Variants in ANKFN1 observed in about 807,000 individuals in gnomAD.
ANKFN1 encodes ankyrin repeat and fibronectin type-III domain-containing protein 1.
Under a neutral mutation model 108.7 loss-of-function variants are expected in ANKFN1, and 74 were observed. The observed-to-expected ratio is 0.68, with a 90% CI of 0.56 to 0.83. The LOEUF is 0.83. Ranked by LOEUF, ANKFN1 falls within the 40% of genes least tolerant of loss-of-function variation. The pLI is 0.00. For missense variants in ANKFN1, 1,505 were observed against 1,382.3 expected (o/e 1.09, Z -1.41); for synonymous variants, 547 against 516.2 (o/e 1.06, Z -0.81).
chr17:56,402,186 A>G (rs2047784288), intron 8 of ANKFN1, among the ~76,000 whole-genome samples: 1 of 152,122 alleles, frequency 6.6e-6, no homozygotes, highest in African/African-American at 2.4e-5. Context: ...TGGTTTGGGT[A>G]TTAGAGTGAT....
rs747044661 is a variant in ANKFN1 at position 56,440,378 on chromosome 17, T to C, written c.962T>C (p.Met321Thr). ...DFSPLAGEII[M>T]DNLQTLRCTI... ...TCTCCTTTGGCTGGAGAAATCATCATGGATAATCTGCAGACTCTGAGATGC... is the reference window on the plus strand; with the variant it reads ...TCTCCTTTGGCTGGAGAAATCATCACGGATAATCTGCAGACTCTGAGATGC... Residue 321 changes from methionine to threonine, a missense_variant, in exon 9 of 21, where the codon ATG becomes ACG. Physicochemically the swap from Met to Thr is moderately conservative, Grantham distance 81. Coordinates refer to ENST00000682825, the MANE Select transcript of ANKFN1 (RefSeq NM_001370326.1). 3 of 1,612,918 alleles carry C rather than the reference T, an allele frequency of 1.9e-6. No homozygotes were observed. The highest frequency in any genetic ancestry group is 1.7e-4 in the Middle Eastern group (1 of 6,048).
chr17:56,064,023 TG>T (rs1176772061), intron 4 of ANKFN1, among the ~76,000 whole-genome samples: 1 of 152,158 alleles, frequency 6.6e-6, no homozygotes, highest in Non-Finnish European at 1.5e-5. Context: ...TGCAGTTTGT[TG>T]GGGGTTCACT....
chr17:56,434,395 A>T (rs2048863597), intron 8 of ANKFN1, among the ~76,000 whole-genome samples: 1 of 139,076 alleles, frequency 7.2e-6, no homozygotes, highest in East Asian at 2.1e-4. Context: ...AAAAAAAAAA[A>T]GAAGAAGAAG....
intron 8 of ANKFN1, among the ~76,000 whole-genome samples, chr17:56,403,377 T>C (rs1435460713): frequency 2.6e-5 from 4 of 152,196 alleles, no homozygotes; most frequent in Admixed American, 2.6e-4. Flanking sequence ...ATTTTAGAGC[T>C]CCAGTGTTAG....
At chr17:56,323,796 A>G (rs72833856) in intron 3 of ANKFN1, among the ~76,000 whole-genome samples, 28,864 of 152,154 alleles carry the variant, frequency 0.19, 3,657 homozygotes, top group East Asian at 0.53. Context: ...GAACTCTGCT[A>G]AACCCTGGAC....
At chr17:56,144,509 C>G (rs1028963938) in intron 4 of ANKFN1, among the ~76,000 whole-genome samples, 7 of 152,188 alleles carry the variant, frequency 4.6e-5, no homozygotes, top group African/African-American at 1.7e-4. Flanking sequence ...CTTGGGTACT[C>G]TGATTTAAAC....
intron 15 of ANKFN1, 95 bp downstream of exon 15, chr17:56,466,666 G>A: frequency 9.4e-7 from 1 of 1,068,558 alleles, no homozygotes; most frequent in Non-Finnish European, 1.4e-6. Flanking sequence ...ATTTACATAT[G>A]CAGTGATGGA....
At chr17:56,142,035 A>T (rs1445321686) in intron 4 of ANKFN1, among the ~76,000 whole-genome samples, 2 of 145,286 alleles carry the variant, frequency 1.4e-5, no homozygotes, top group Admixed American at 1.4e-4. Context: ...GGTTCCAGTG[A>T]TTCTCCTGCC....
At chr17:56,176,718 G>A (rs1333093965) in intron 1 of ANKFN1, among the ~76,000 whole-genome samples, 2 of 152,148 alleles carry the variant, frequency 1.3e-5, no homozygotes, top group Non-Finnish European at 2.9e-5. Flanking sequence ...CTTGTATGTA[G>A]GAAAACACTT....
upstream of ANKFN1, among the ~76,000 whole-genome samples, chr17:56,151,641 T>G (rs1295043967): frequency 1.3e-5 from 2 of 152,130 alleles, no homozygotes; most frequent in African/African-American, 2.4e-5. Context: ...TAACTGGGCC[T>G]TTTTGCAACT....
intron 3 of ANKFN1, among the ~76,000 whole-genome samples, chr17:56,236,441 C>A (rs189396266): frequency 2.0e-5 from 3 of 152,236 alleles, no homozygotes; most frequent in East Asian, 1.9e-4. Context: ...ATATTTTATT[C>A]TTTTCGTGGC....
chr17:56,261,695 C>T (rs1369753599), intron 3 of ANKFN1, among the ~76,000 whole-genome samples: 1 of 152,184 alleles, frequency 6.6e-6, no homozygotes, highest in Non-Finnish European at 1.5e-5. Context: ...CTGGAAGACT[C>T]AGCCAGTCTA....
chr17:56,254,375 A>G (rs572549896), intron 3 of ANKFN1, among the ~76,000 whole-genome samples: 2 of 152,336 alleles, frequency 1.3e-5, no homozygotes, highest in Non-Finnish European at 2.9e-5. Flanking sequence ...TTATGCATTG[A>G]AAGTTACAAC....
intron 3 of ANKFN1, among the ~76,000 whole-genome samples, chr17:56,240,322 T>C (rs1917483242): frequency 6.6e-6 from 1 of 152,132 alleles, no homozygotes; most frequent in South Asian, 2.1e-4. Context: ...GTATTTTTTG[T>C]CAGTCAACAT....
intron 19 of ANKFN1, 32 bp from the exon 20 acceptor site, chr17:56,498,850 A>T: frequency 6.6e-7 from 1 of 1,504,204 alleles, no homozygotes. Context: ...ACTGCTTGAT[A>T]ACTTAGTGTC....
chr17:56,450,932 T>G (rs932310575), intron 11 of ANKFN1, among the ~76,000 whole-genome samples: 5 of 152,212 alleles, frequency 3.3e-5, no homozygotes, highest in Admixed American at 3.3e-4. Flanking sequence ...CCAACTTCTG[T>G]CATGTATATG....
At chr17:56,287,378 G>T (rs2044246915) in intron 3 of ANKFN1, among the ~76,000 whole-genome samples, 1 of 152,092 alleles carries the variant, frequency 6.6e-6, no homozygotes, top group Non-Finnish European at 1.5e-5. Context: ...CTGACTTTCA[G>T]TTTTCTTATC....
chr17:56,139,820 G>A (rs754247516), intron 4 of ANKFN1, among the ~76,000 whole-genome samples: 4 of 151,852 alleles, frequency 2.6e-5, no homozygotes, highest in East Asian at 1.9e-4. Context: ...TTGTATCATC[G>A]TCCCTTGGTT....
intron 8 of ANKFN1, among the ~76,000 whole-genome samples, chr17:56,404,479 C>G (rs977268637): frequency 2.6e-5 from 4 of 152,276 alleles, no homozygotes; most frequent in African/African-American, 9.6e-5. Flanking sequence ...TTTTGCATTT[C>G]TAAAAGTGTG....
Sources: allele counts gnomAD v4.1 joint callset (sites outside exome capture counted in the v4.1 genomes callset), GRCh38; gene constraint gnomAD v4.1.1; transcripts MANE v1.5; gene names NCBI Gene and HGNC (gene_info 2026-07-23, HGNC 2026-07-21).